Variants in MSI2 observed in about 807,000 individuals in gnomAD.
MSI2 encodes musashi RNA binding protein 2.
MSI2 carries 17 observed loss-of-function variants against 45.6 expected under a neutral mutation model. The observed-to-expected ratio is 0.37, with a 90% confidence interval of 0.26 to 0.56. The LOEUF (loss-of-function observed/expected upper bound fraction) is 0.56. Among genes scored for constraint, MSI2 ranks in the 20% least tolerant of loss-of-function variants. The probability of loss-of-function intolerance (pLI) is 0.77; values close to 1 mark genes in which losing one functional copy is unlikely to be tolerated. For synonymous variants in MSI2, 156 were observed against 158.2 expected, an observed-to-expected ratio of 0.99 and a Z score of 0.11; for missense variants, 293 against 444.2, an observed-to-expected ratio of 0.66 and a Z score of 3.06.
chr17:57,400,306 T>C (rs923350247), intron 5 of MSI2, among the ~76,000 whole-genome samples: 1 of 152,078 alleles, frequency 6.6e-6, no homozygotes, highest in Admixed American at 6.5e-5. Flanking sequence ...ACTCAGTCTT[T>C]AGAAAGAAAT....
Position 57,357,456 on chromosome 17 carries a change from C to A in MSI2, c.313-43923C>A, listed in dbSNP as rs575815550. Reference sequence around the variant, plus strand: ...GCCACTTGAGCTTCATTCGGCAGCACACAGACACCTCCCCTCCCTCCTGCT... The same window carrying A: ...GCCACTTGAGCTTCATTCGGCAGCAAACAGACACCTCCCCTCCCTCCTGCT... On this transcript the variant is annotated intron_variant, in intron 5 of 13. Coordinates refer to ENST00000284073, the MANE Select transcript of MSI2 (RefSeq NM_138962.4). Among the ~76,000 whole-genome samples the A allele has an allele frequency of 6.0e-4, 92 of 152,296 alleles. 1 individual carries two copies. The highest frequency in any genetic ancestry group is 2.2e-3 in the African/African-American group (91 of 41,568).
chr17:57,466,314 A>G (rs144723731), intron 6 of MSI2, among the ~76,000 whole-genome samples: 108 of 152,344 alleles, frequency 7.1e-4, no homozygotes, highest in Non-Finnish European at 1.1e-3. Context: ...ACTTGCTGGT[A>G]ACCTGGCCTC....
At chr17:57,373,705 C>T (rs990273127) in intron 5 of MSI2, among the ~76,000 whole-genome samples, 14 of 152,188 alleles carry the variant, frequency 9.2e-5, no homozygotes, top group Non-Finnish European at 2.1e-4. Context: ...CTGCCAGGTT[C>T]AGAACCACAG....
intron 6 of MSI2, chr17:57,444,382 A>G (rs2143491325): frequency 6.6e-6 from 1 of 152,338 alleles, no homozygotes; most frequent in East Asian, 1.9e-4. Context: ...CAGGAGTTCG[A>G]GAGCAGCCTG....
intron 5 of MSI2, chr17:57,263,738 C>T (rs1800958735): frequency 6.6e-6 from 1 of 152,248 alleles, no homozygotes; most frequent in South Asian, 2.1e-4. Flanking sequence ...CTTTAATACA[C>T]TCTGCAGTGA....
At chr17:57,292,185 G>A (rs1910480968) in intron 5 of MSI2, among the ~76,000 whole-genome samples, 2 of 152,086 alleles carry the variant, frequency 1.3e-5, no homozygotes, top group African/African-American at 4.8e-5. Flanking sequence ...GAGAATGGGA[G>A]GGGAGGCTGG....
At chr17:57,563,746 G>GCGCGCACACACACACACACA (rs534460755) in intron 7 of MSI2, among the ~76,000 whole-genome samples, 3 of 139,294 alleles carry the variant, frequency 2.2e-5, no homozygotes, top group Admixed American at 7.2e-5. Context: ...ACACAGGCGC[G>GCGCGCACACACACACACACA]CACACACACA....
At chr17:57,445,507 G>T (rs1469687859) in intron 6 of MSI2, among the ~76,000 whole-genome samples, 1 of 149,976 alleles carries the variant, frequency 6.7e-6, no homozygotes, top group East Asian at 2.0e-4. Context: ...TGTGTTGTTT[G>T]TTTTTTTGGT....
At chr17:57,601,114 T>C (rs1314226120) in intron 8 of MSI2, 1 of 152,226 alleles carries the variant, frequency 6.6e-6, no homozygotes, top group Non-Finnish European at 1.5e-5. Context: ...CCTTTCCCAG[T>C]CAGCTATGTC....
chr17:57,507,175 TGGG>T (rs71140000), intron 6 of MSI2, among the ~76,000 whole-genome samples: 3 of 135,714 alleles, frequency 2.2e-5, no homozygotes, highest in Non-Finnish European at 3.1e-5. Flanking sequence ...CTGTGTGTGT[TGGG>T]GGGGGGGGGT....
chr17:57,528,116 C>T (rs535095488), intron 6 of MSI2, among the ~76,000 whole-genome samples: 30 of 150,634 alleles, frequency 2.0e-4, no homozygotes, highest in Admixed American at 1.1e-3. Flanking sequence ...TACAGCCACA[C>T]GGACTGGGTT....
rs1002790779 is a variant in MSI2, at chr17:57,463,159, C to T, written c.405+61688C>T. On this transcript the variant is annotated intron_variant, in intron 6 of 13. Coordinates refer to ENST00000284073, the MANE Select transcript of MSI2 (RefSeq NM_138962.4). ...TGCCCTCTCCCTTCTGCTAGGACCC[C>T]GGCCTGCTCAGTTTGCCAAGGGTGG... Among the ~76,000 whole-genome samples, 10 of 152,298 alleles carry T rather than the reference C, an allele frequency of 6.6e-5. No individual in the cohort carries two copies. In the East Asian group the frequency reaches 7.7e-4, roughly 12 times the overall value.
the MSI2 span, among the ~76,000 whole-genome samples, chr17:57,694,144 A>G: frequency 6.6e-6 from 1 of 152,168 alleles, no homozygotes; most frequent in African/African-American, 2.4e-5. Context: ...AACACCTAAA[A>G]TATTTGCTAT....
chr17:57,595,252 A>G lies in MSI2; in HGVS notation c.455-1616A>G, dbSNP rs1340129652. 2.6e-5 allele frequency among the ~76,000 whole-genome samples: 4 copies of G among 152,308 alleles called. No homozygotes were observed. The East Asian group carries it at 7.8e-4, about 30-fold the overall frequency. On this transcript the variant is annotated intron_variant, in intron 7 of 13. Transcript: ENST00000284073. ...AAAAGGAAGCATCTGTATTTTGCTCATTGACTGGAAACACAATTATCATAA... is the reference window on the plus strand; with the variant it reads ...AAAAGGAAGCATCTGTATTTTGCTCGTTGACTGGAAACACAATTATCATAA...
intron 5 of MSI2, among the ~76,000 whole-genome samples, chr17:57,338,548 G>A (rs879819743): frequency 1.3e-5 from 2 of 152,198 alleles, no homozygotes; most frequent in Non-Finnish European, 2.9e-5. Context: ...CAGGCCCCAC[G>A]CAGACTTGTT....
intron 7 of MSI2, among the ~76,000 whole-genome samples, chr17:57,587,021 T>C (rs2088366700): frequency 6.6e-6 from 1 of 152,126 alleles, no homozygotes; most frequent in African/African-American, 2.4e-5. Flanking sequence ...ACCAGAGACC[T>C]GGGTAAAAAC....
chr17:57,317,391 A>G (rs768195174), intron 5 of MSI2, among the ~76,000 whole-genome samples: 1 of 152,180 alleles, frequency 6.6e-6, no homozygotes, highest in African/African-American at 2.4e-5. Context: ...GGCAGAATAT[A>G]TGCACAAGGA....
chr17:57,371,498 T>C (rs1226641397), intron 5 of MSI2, among the ~76,000 whole-genome samples: 1 of 116,626 alleles, frequency 8.6e-6, no homozygotes, highest in East Asian at 2.7e-4. Flanking sequence ...TTTTCTGTCC[T>C]TTTTCATGGC....
intron 5 of MSI2, among the ~76,000 whole-genome samples, chr17:57,350,660 G>A (rs1299377712): frequency 6.6e-6 from 1 of 152,104 alleles, no homozygotes; most frequent in African/African-American, 2.4e-5. Context: ...CCCTGGCCCG[G>A]AAAGTGCTCA....
Sources: gnomAD v4.1 joint callset for allele counts (sites outside exome capture counted in the v4.1 genomes callset) on GRCh38, gnomAD v4.1.1 for gene constraint, MANE v1.5 for transcripts, NCBI Gene and HGNC (gene_info 2026-07-23, HGNC 2026-07-21) for gene names.